ACER2: variants seen among roughly 807,000 people sequenced by gnomAD.
The protein encoded by ACER2 is alkCDase 2.
In ACER2, 26 loss-of-function variants were observed where a neutral mutation model predicts 34.7. The observed-to-expected ratio is 0.75, with a 90% CI of 0.55 to 1.04. The LOEUF (loss-of-function observed/expected upper bound fraction) is 1.04, where lower values mean the gene tolerates loss of function less well. Ranked by LOEUF, ACER2 falls within the 50% of genes least tolerant of loss-of-function variation. ACER2 has a pLI of 0.00. For synonymous variants in ACER2, 138 were observed against 132.1 expected (o/e 1.04, Z -0.31); for missense variants, 352 against 340.8 (o/e 1.03, Z -0.26).
chr9:19,423,337 G>A (rs1830464253), intron 1 of ACER2, among the ~76,000 whole-genome samples: 1 of 152,192 alleles, frequency 6.6e-6, no homozygotes, highest in Non-Finnish European at 1.5e-5. Flanking sequence ...GATCAAAGAA[G>A]CAGCAGGGAG....
rs1831361089 is a variant in ACER2 at position 19,446,330 on chromosome 9, T to G, written c.553T>G (p.Trp185Gly). The change falls in exon 5 of 6, where the codon TGG becomes GGG. Residue 185 changes from tryptophan to glycine, a missense_variant. Trp to Gly is a radical substitution (Grantham distance 184). Coordinates refer to ENST00000340967, the MANE Select transcript of ACER2 (RefSeq NM_001010887.3). ...GCTGGGCCTCTTCTCGGGCCTCTGGTGGACCCTGGCCCTGTTCTGCTGGAT... is the reference window on the plus strand; with the variant it reads ...GCTGGGCCTCTTCTCGGGCCTCTGGGGGACCCTGGCCCTGTTCTGCTGGAT... Reference protein sequence around the residue: ...FKLGLFSGLWWTLALFCWISD... With the variant: ...FKLGLFSGLWGTLALFCWISD... 6.2e-7 allele frequency: 1 copy of G among 1,614,038 alleles called. No individual in the cohort carries two copies. The highest frequency in any genetic ancestry group is 8.5e-7 in the Non-Finnish European group (1 of 1,180,050).
Position 19,409,703 on chromosome 9 carries a change from G to A in ACER2, c.108+511G>A, listed in dbSNP as rs1474544513. ...AGACTTGCCCCACCCCCAAGAACAT[G>A]CCTATAATGGTCGAGTTATTTTTGG... On this transcript the variant is annotated intron_variant, in intron 1 of 5. Coordinates refer to ENST00000340967, the MANE Select transcript of ACER2 (RefSeq NM_001010887.3). The A allele has an allele frequency of 1.7e-5, 17 of 979,052 alleles. No homozygotes were observed. In the African/African-American group the frequency reaches 2.3e-4, roughly 13 times the overall value. 60.6% of individuals were successfully genotyped at this position (979,052 alleles called of 1,614,324 possible). A position where few individuals can be genotyped will look rare whatever the true frequency, so the allele number is the denominator to read the frequency against.
chr9:19,423,623 C>T (rs1563876942), intron 1 of ACER2, among the ~76,000 whole-genome samples: 1 of 152,188 alleles, frequency 6.6e-6, no homozygotes, highest in Non-Finnish European at 1.5e-5. Flanking sequence ...ATTGCTTGAA[C>T]TCGGGAGGTA....
intron 1 of ACER2, among the ~76,000 whole-genome samples, chr9:19,416,028 C>G (rs1830230872): frequency 6.7e-6 from 1 of 149,624 alleles, no homozygotes; most frequent in Admixed American, 6.7e-5. Flanking sequence ...GTGGTTATCT[C>G]TGGGGAAGAG....
chr9:19,444,952 A>C (rs943427808), intron 4 of ACER2, among the ~76,000 whole-genome samples: 1 of 152,136 alleles, frequency 6.6e-6, no homozygotes, highest in African/African-American at 2.4e-5. Flanking sequence ...ACTTTTATTG[A>C]TGCTTTCGCT....
chr9:19,434,578 C>G (rs936816820), intron 3 of ACER2, among the ~76,000 whole-genome samples: 1 of 152,274 alleles, frequency 6.6e-6, no homozygotes, highest in African/African-American at 2.4e-5. Context: ...GGAGACCAGC[C>G]TGGCCAACAC....
rs1160534666 is a variant in ACER2 at position 19,451,987 on chromosome 9, G to C, written c.*1351G>C. On this transcript the variant is annotated 3_prime_UTR_variant, in exon 6 of 6. Coordinates refer to ENST00000340967, the MANE Select transcript of ACER2 (RefSeq NM_001010887.3). ...GCAGTAGCTATGCACTCACGGGCTG[G>C]TTTGGGTCGCTGGTGCAGCAGCGCA... The C allele has an allele frequency of 6.6e-6, 1 of 152,574 alleles. No homozygotes were observed. The highest frequency in any genetic ancestry group is 2.4e-5 in the African/African-American group (1 of 41,416). The allele number at this position is 152,574 out of a possible 1,614,324, so 9.5% of individuals were successfully genotyped here.
intron 5 of ACER2, among the ~76,000 whole-genome samples, chr9:19,447,977 AT>A (rs67200591): frequency 0.43 from 63,464 of 146,778 alleles, 15,552 homozygotes; most frequent in Non-Finnish European, 0.56. Context: ...TTTAAAAAAA[AT>A]AGCATCATTC....
chr9:19,446,297 G>T lies in ACER2; in HGVS notation c.520G>T (p.Val174Leu). Reference sequence around the variant, plus strand: ...CCCGTGCAGGTGTGACAACATGCGTGTGTTTAAGCTGGGCCTCTTCTCGGG... The same window carrying T: ...CCCGTGCAGGTGTGACAACATGCGTTTGTTTAAGCTGGGCCTCTTCTCGGG... Reference protein sequence around the residue: ...AELKRCDNMRVFKLGLFSGLW... With the variant: ...AELKRCDNMRLFKLGLFSGLW... The change falls in exon 5 of 6, where the codon GTG becomes TTG. Residue 174 changes from valine to leucine, a missense_variant. Transcript: ENST00000340967. 2 of 1,614,180 alleles carry T rather than the reference G, an allele frequency of 1.2e-6. No homozygotes were observed. Among genetic ancestry groups the T allele is most frequent in the Non-Finnish European group, 1.7e-6 (2 of 1,180,044 alleles).
intron 3 of ACER2, 97 bp downstream of exon 3, chr9:19,424,938 C>A: frequency 1.4e-6 from 2 of 1,453,142 alleles, no homozygotes; most frequent in African/African-American, 1.4e-5. Flanking sequence ...TTGAACTCAG[C>A]CTAGTGATGA....
chr9:19,412,101 G>C (rs745817924), intron 1 of ACER2, among the ~76,000 whole-genome samples: 28 of 152,102 alleles, frequency 1.8e-4, no homozygotes, highest in Non-Finnish European at 3.8e-4. Context: ...GCATAGAATA[G>C]ATATTTATTA....
intron 3 of ACER2, 60 bp from the exon 4 acceptor site, chr9:19,434,887 A>T: frequency 2.5e-6 from 4 of 1,582,982 alleles, no homozygotes; most frequent in Non-Finnish European, 2.6e-6. Context: ...CTAACATTAA[A>T]CAAACAAACA....
At chr9:19,449,262 A>G (rs937930723) in intron 5 of ACER2, among the ~76,000 whole-genome samples, 7 of 152,244 alleles carry the variant, frequency 4.6e-5, no homozygotes, top group African/African-American at 1.7e-4. Context: ...AGAATAATAC[A>G]TTGAACCCCC....
chr9:19,412,611 C>T (rs560104714), intron 1 of ACER2, among the ~76,000 whole-genome samples: 79 of 149,314 alleles, frequency 5.3e-4, no homozygotes, highest in African/African-American at 1.8e-3. Context: ...GCTGAGATCG[C>T]GCCACTGCAC....
At chr9:19,416,191 T>A (rs1194432754) in intron 1 of ACER2, among the ~76,000 whole-genome samples, 3 of 152,162 alleles carry the variant, frequency 2.0e-5, no homozygotes, top group African/African-American at 7.2e-5. Flanking sequence ...CTTCATCTGC[T>A]CCTTCTCCCC....
chr9:19,436,418 C>T (rs919920187), intron 4 of ACER2, among the ~76,000 whole-genome samples: 1 of 152,122 alleles, frequency 6.6e-6, no homozygotes, highest in African/African-American at 2.4e-5. Context: ...TTTGATAGTA[C>T]TTGGCTCATA....
At chr9:19,432,391 G>T (rs565131029) in intron 3 of ACER2, among the ~76,000 whole-genome samples, 1 of 152,172 alleles carries the variant, frequency 6.6e-6, no homozygotes, top group Admixed American at 6.6e-5. Context: ...TGTTCACTTT[G>T]TAGAACGGGG....
chr9:19,448,480 G>A (rs1034518738), intron 5 of ACER2, among the ~76,000 whole-genome samples: 6 of 151,956 alleles, frequency 3.9e-5, no homozygotes, highest in Admixed American at 2.0e-4. Context: ...CTCTGATAAC[G>A]GACTTTGAGG....
chr9:19,450,069 T>A (rs1420115724), intron 5 of ACER2, among the ~76,000 whole-genome samples: 1 of 152,158 alleles, frequency 6.6e-6, no homozygotes, highest in Non-Finnish European at 1.5e-5. Context: ...ACATAAAATA[T>A]CTGTAACCAG....
Sources: allele counts gnomAD v4.1 joint callset (sites outside exome capture counted in the v4.1 genomes callset), GRCh38; gene constraint gnomAD v4.1.1; transcripts MANE v1.5; gene names NCBI Gene and HGNC (gene_info 2026-07-23, HGNC 2026-07-21).